CNTNAP2: variants seen among roughly 807,000 people sequenced by gnomAD.
CNTNAP2 encodes the protein contactin associated protein 2, also known as contactin-associated protein-like 2.
In CNTNAP2, 98 loss-of-function variants were observed where a neutral mutation model predicts 155.2. That is an observed-to-expected ratio of 0.63 (90% CI 0.54 to 0.75). CNTNAP2 has a LOEUF of 0.75. Ranked by LOEUF, CNTNAP2 falls within the 30% of genes least tolerant of loss-of-function variation. The pLI is 0.00. For synonymous variants in CNTNAP2, 651 were observed against 631.2 expected (o/e 1.03, Z -0.47); for missense variants, 1,727 against 1,688.1 (o/e 1.02, Z -0.40).
At chr7:147,655,789 C>A (rs1005909636) in intron 13 of CNTNAP2, among the ~76,000 whole-genome samples, 24 of 152,288 alleles carry the variant, frequency 1.6e-4, no homozygotes, top group African/African-American at 5.8e-4. Context: ...CTTCAAGTAA[C>A]CTGCTGCATT....
At chr7:148,080,400 T>C (rs536945339) in intron 15 of CNTNAP2, among the ~76,000 whole-genome samples, 1 of 151,906 alleles carries the variant, frequency 6.6e-6, no homozygotes, top group East Asian at 1.9e-4. Flanking sequence ...GGTCAGGAGA[T>C]CGAGACCGTC....
intron 19 of CNTNAP2, among the ~76,000 whole-genome samples, chr7:148,219,647 C>T (rs1334896897): frequency 2.6e-5 from 4 of 152,134 alleles, no homozygotes; most frequent in Non-Finnish European, 5.9e-5. Context: ...GCCTGGGCAA[C>T]ATAGCAAGAC....
At chr7:147,452,307 A>G (rs1797846939) in intron 10 of CNTNAP2, among the ~76,000 whole-genome samples, 2 of 152,220 alleles carry the variant, frequency 1.3e-5, no homozygotes, top group Non-Finnish European at 2.9e-5. Flanking sequence ...TAGAGAAATC[A>G]TTATTTTATA....
chr7:146,426,212 T>TAAAAAAAAAAAAAA (rs1554431713), intron 1 of CNTNAP2, among the ~76,000 whole-genome samples: 27 of 113,230 alleles, frequency 2.4e-4, no homozygotes, highest in African/African-American at 9.1e-4. Flanking sequence ...AAAAAAAAAT[T>TAAAAAAAAAAAAAA]AAAACTTAAG....
chr7:147,782,650 AG>A, intron 13 of CNTNAP2, among the ~76,000 whole-genome samples: 1 of 152,302 alleles, frequency 6.6e-6, no homozygotes, highest in South Asian at 2.1e-4. Context: ...TACCTCTGAA[AG>A]GTCCCAACAC....
At chr7:146,832,951 CT>C (rs957076341) in intron 2 of CNTNAP2, among the ~76,000 whole-genome samples, 1 of 152,044 alleles carries the variant, frequency 6.6e-6, no homozygotes, top group African/African-American at 2.4e-5. Context: ...CCGCCTCGGC[CT>C]CCCAAACTGC....
intron 11 of CNTNAP2, among the ~76,000 whole-genome samples, chr7:147,539,149 C>A (rs1032625016): frequency 3.9e-5 from 6 of 151,998 alleles, no homozygotes; most frequent in Non-Finnish European, 8.8e-5. Flanking sequence ...ATACATATAT[C>A]AAAAATGTGA....
chr7:147,243,182 G>C (rs10239343), intron 8 of CNTNAP2, among the ~76,000 whole-genome samples: 1 of 151,472 alleles, frequency 6.6e-6, no homozygotes, highest in Non-Finnish European at 1.5e-5. Flanking sequence ...TATTTTGGTA[G>C]AGATGGGGTT....
intron 8 of CNTNAP2, among the ~76,000 whole-genome samples, chr7:147,225,742 AGAAG>A (rs56768185): frequency 0.14 from 14,710 of 103,516 alleles, 1,223 homozygotes; most frequent in East Asian, 0.27. Context: ...TAGGAAGGAA[AGAAG>A]GAAGGAAGGA....
chr7:146,864,577 G>A (rs1312576888), intron 3 of CNTNAP2, among the ~76,000 whole-genome samples: 1 of 152,120 alleles, frequency 6.6e-6, no homozygotes, highest in Non-Finnish European at 1.5e-5. Context: ...AGCCAATGCA[G>A]TAAGAAAAGA....
At chr7:147,792,045 T>C (rs991702953) in intron 13 of CNTNAP2, among the ~76,000 whole-genome samples, 1 of 152,200 alleles carries the variant, frequency 6.6e-6, no homozygotes, top group Non-Finnish European at 1.5e-5. Context: ...ATTCTTTGCT[T>C]GGTCAGCTCT....
At chr7:148,158,632 G>A (rs115258775) in intron 17 of CNTNAP2, among the ~76,000 whole-genome samples, 294 of 152,168 alleles carry the variant, frequency 1.9e-3, no homozygotes, top group Middle Eastern at 6.8e-3. Flanking sequence ...ATATTATATG[G>A]GTAGAAACTT....
intron 13 of CNTNAP2, among the ~76,000 whole-genome samples, chr7:147,726,256 C>A (rs1796640455): frequency 6.6e-6 from 1 of 151,874 alleles, no homozygotes; most frequent in African/African-American, 2.4e-5. Context: ...TGTTAAGTAT[C>A]CTTGTCACAC....
intron 15 of CNTNAP2, chr7:148,014,115 A>G (rs1347772753): frequency 6.6e-6 from 1 of 152,132 alleles, no homozygotes; most frequent in Non-Finnish European, 1.5e-5. Flanking sequence ...GTCACTCACT[A>G]TAGCATTTAT....
intron 1 of CNTNAP2, among the ~76,000 whole-genome samples, chr7:146,439,488 G>A (rs1639445): frequency 0.42 from 63,698 of 150,772 alleles, 16,524 homozygotes; most frequent in African/African-American, 0.71. Context: ...TATTATATAT[G>A]TTTATTTAGC....
At chr7:146,818,004 A>AT (rs1007149687) in intron 2 of CNTNAP2, among the ~76,000 whole-genome samples, 6 of 152,196 alleles carry the variant, frequency 3.9e-5, no homozygotes, top group Admixed American at 6.5e-5. Flanking sequence ...CATATAAAAC[A>AT]TTTTTTAATT....
chr7:146,334,730 G>A (rs1202836426), intron 1 of CNTNAP2, among the ~76,000 whole-genome samples: 1 of 152,142 alleles, frequency 6.6e-6, no homozygotes, highest in African/African-American at 2.4e-5. Flanking sequence ...GTAATGAAGA[G>A]GGTATTTCAG....
At chr7:146,843,448 C>A (rs1253583779) in intron 3 of CNTNAP2, among the ~76,000 whole-genome samples, 1 of 152,110 alleles carries the variant, frequency 6.6e-6, no homozygotes, top group East Asian at 1.9e-4. Context: ...TACAATTTGA[C>A]ATGAGATTTT....
intron 11 of CNTNAP2, among the ~76,000 whole-genome samples, chr7:147,509,948 T>C (rs1279775988): frequency 6.6e-6 from 1 of 152,116 alleles, no homozygotes; most frequent in Non-Finnish European, 1.5e-5. Context: ...TTTTGCTTTG[T>C]TTCCTCTAAA....
Sources: gnomAD v4.1 joint callset for allele counts (sites outside exome capture counted in the v4.1 genomes callset) on GRCh38, gnomAD v4.1.1 for gene constraint, MANE v1.5 for transcripts, NCBI Gene and HGNC (gene_info 2026-07-23, HGNC 2026-07-21) for gene names.